Variants in PCDHAC1 observed in about 807,000 individuals in gnomAD.
PCDHAC1 encodes protocadherin alpha subfamily C, 1.
Under a neutral mutation model 60.0 loss-of-function variants are expected in PCDHAC1, and 42 were observed. The observed-to-expected ratio is 0.70, with a 90% confidence interval of 0.55 to 0.90. The LOEUF is 0.90. Ranked by LOEUF, PCDHAC1 falls within the 40% of genes least tolerant of loss-of-function variation. The pLI is 0.00. For missense variants in PCDHAC1, 1,160 were observed against 1,222.3 expected, an observed-to-expected ratio of 0.95 and a Z score of 0.76; for synonymous variants, 468 against 499.3, an observed-to-expected ratio of 0.94 and a Z score of 0.84.
At chr5:140,953,218 C>T (rs575250415) in intron 1 of PCDHAC1, among the ~76,000 whole-genome samples, 2 of 152,272 alleles carry the variant, frequency 1.3e-5, no homozygotes, top group East Asian at 3.9e-4. Flanking sequence ...ATCTTTCTTG[C>T]TTCTGCTTGG....
At chr5:141,005,095 A>T (rs1554259887) in intron 3 of PCDHAC1, among the ~76,000 whole-genome samples, 1 of 152,192 alleles carries the variant, frequency 6.6e-6, no homozygotes, top group South Asian at 2.1e-4. Flanking sequence ...CTTTACATGC[A>T]TTACATCATT....
chr5:140,996,814 G>T (rs1186688734), intron 3 of PCDHAC1, among the ~76,000 whole-genome samples: 1 of 152,144 alleles, frequency 6.6e-6, no homozygotes, highest in African/African-American at 2.4e-5. Flanking sequence ...CTTTCCAAAA[G>T]TAACCACTAC....
intron 3 of PCDHAC1, among the ~76,000 whole-genome samples, chr5:141,004,385 G>C (rs1388217607): frequency 6.6e-6 from 1 of 152,192 alleles, no homozygotes; most frequent in Non-Finnish European, 1.5e-5. Flanking sequence ...TGCGGAAGCT[G>C]GACATGTGGA....
intron 1 of PCDHAC1, chr5:140,968,253 C>T: frequency 6.2e-7 from 1 of 1,614,026 alleles, no homozygotes; most frequent in Non-Finnish European, 8.5e-7. Context: ...GCCACAGACC[C>T]AGATGAAAAG....
Position 140,968,451 on chromosome 5 carries a change from C to T in PCDHAC1, c.2434-10498C>T, listed in dbSNP as rs782416830. 9 of 1,614,130 alleles carry T rather than the reference C, an allele frequency of 5.6e-6. No homozygotes were observed. The South Asian group carries it at 9.9e-5, about 18-fold the overall frequency. ...AAGGGGAGCCCACCACTGAGCAGCACTGTGACTGCCAACGTATATGTGGTG... is the reference window on the plus strand; with the variant it reads ...AAGGGGAGCCCACCACTGAGCAGCATTGTGACTGCCAACGTATATGTGGTG... On this transcript the variant is annotated intron_variant, in intron 1 of 3. Transcript: ENST00000253807.
intron 1 of PCDHAC1, among the ~76,000 whole-genome samples, chr5:140,951,019 G>A (rs555662052): frequency 2.0e-5 from 3 of 152,114 alleles, no homozygotes; most frequent in African/African-American, 7.2e-5. Context: ...ATCAGGCAGT[G>A]AGTTTTAATT....
intron 3 of PCDHAC1, among the ~76,000 whole-genome samples, chr5:140,982,795 A>G (rs1011948194): frequency 3.3e-5 from 5 of 151,516 alleles, no homozygotes; most frequent in African/African-American, 1.2e-4. Context: ...GCATGTGTGC[A>G]TGTGTGTGTG....
In PCDHAC1 at chr5:141,011,225, A is replaced by G. The variant is rs962544716; in HGVS notation, c.*1288A>G. ...ATACAGTGAGCAGATTTTTCAATCT[A>G]CTAATTCTGTGACTTGTCTTGGTGT... On this transcript the variant is annotated 3_prime_UTR_variant, in exon 4 of 4. Transcript: ENST00000253807. 6.5e-6 allele frequency: 1 copy of G among 153,740 alleles called. No homozygotes were observed. Among genetic ancestry groups the G allele is most frequent in the South Asian group, 2.1e-4 (1 of 4,826 alleles). The allele number at this position is 153,740 out of a possible 1,614,324, so 9.5% of individuals were successfully genotyped here.
intron 1 of PCDHAC1, among the ~76,000 whole-genome samples, chr5:140,931,490 C>T (rs1209591038): frequency 6.6e-6 from 1 of 151,888 alleles, no homozygotes; most frequent in Non-Finnish European, 1.5e-5. Flanking sequence ...ACCCTTCAAA[C>T]CAAATTTTTA....
intron 3 of PCDHAC1, among the ~76,000 whole-genome samples, chr5:141,007,395 CAAAAAAA>C (rs35800918): frequency 2.2e-3 from 204 of 94,846 alleles, no homozygotes; most frequent in African/African-American, 7.3e-3. Flanking sequence ...TACTAAAATA[CAAAAAAA>C]AAAAAAAAAA....
At chr5:140,943,479 TAATA>T (rs1447671932) in intron 1 of PCDHAC1, among the ~76,000 whole-genome samples, 1 of 151,960 alleles carries the variant, frequency 6.6e-6, no homozygotes, top group African/African-American at 2.4e-5. Context: ...TACAGTAAAA[TAATA>T]AATAGATGCT....
intron 3 of PCDHAC1, among the ~76,000 whole-genome samples, chr5:140,983,854 T>C (rs1554245766): frequency 6.6e-6 from 1 of 152,206 alleles, no homozygotes; most frequent in Admixed American, 6.5e-5. Flanking sequence ...TTAAGTAACA[T>C]GCAGCTAAGG....
At chr5:140,966,792 C>T (rs1182470326) in intron 1 of PCDHAC1, 4 of 1,530,564 alleles carry the variant, frequency 2.6e-6, no homozygotes, top group Non-Finnish European at 2.6e-6. Context: ...ACCAGACCTG[C>T]GGCGACAGAG....
At chr5:140,981,666 C>CT (rs1430989347) in intron 2 of PCDHAC1, among the ~76,000 whole-genome samples, 8 of 152,058 alleles carry the variant, frequency 5.3e-5, no homozygotes, top group Non-Finnish European at 1.0e-4. Flanking sequence ...TTCTTCCTTC[C>CT]TTTCTTCCTT....
intron 1 of PCDHAC1, among the ~76,000 whole-genome samples, chr5:140,973,856 C>G (rs1349378315): frequency 6.6e-6 from 1 of 152,166 alleles, no homozygotes; most frequent in Non-Finnish European, 1.5e-5. Context: ...CCAATTTTTG[C>G]TCTCAATGAG....
chr5:140,954,895 A>G (rs782412576), intron 1 of PCDHAC1, among the ~76,000 whole-genome samples: 66 of 152,096 alleles, frequency 4.3e-4, no homozygotes, highest in African/African-American at 1.4e-3. Context: ...TAGGGTTTTT[A>G]TAGTTTCATA....
At chr5:140,954,476 G>C (rs1467215585) in intron 1 of PCDHAC1, among the ~76,000 whole-genome samples, 1 of 152,192 alleles carries the variant, frequency 6.6e-6, no homozygotes, top group Non-Finnish European at 1.5e-5. Context: ...ACTGGTGTGA[G>C]AAGATATTTC....
chr5:140,972,623 T>C (rs1554234256), intron 1 of PCDHAC1, among the ~76,000 whole-genome samples: 1 of 151,938 alleles, frequency 6.6e-6, no homozygotes, highest in African/African-American at 2.4e-5. Context: ...TGAATGTTGT[T>C]GGCACTCCCT....
At chr5:140,936,875 C>T (rs1052156307) in intron 1 of PCDHAC1, among the ~76,000 whole-genome samples, 13 of 151,832 alleles carry the variant, frequency 8.6e-5, no homozygotes, top group Non-Finnish European at 1.5e-5. Flanking sequence ...TTTAAAAAAC[C>T]CTGCTTTGAT....
Sources: gnomAD v4.1 joint callset for allele counts (sites outside exome capture counted in the v4.1 genomes callset) on GRCh38, gnomAD v4.1.1 for gene constraint, MANE v1.5 for transcripts, NCBI Gene and HGNC (gene_info 2026-07-23, HGNC 2026-07-21) for gene names.